RTN4: variants seen among roughly 807,000 people sequenced by gnomAD.
The protein encoded by RTN4 is reticulon-4.
In RTN4, 32 loss-of-function variants were observed where a neutral mutation model predicts 90.4. The observed-to-expected ratio is 0.35, with a 90% CI of 0.27 to 0.48. The LOEUF (loss-of-function observed/expected upper bound fraction) is 0.48. Among genes scored for constraint, RTN4 ranks in the 20% least tolerant of loss-of-function variants. The pLI, the probability that RTN4 is intolerant of heterozygous loss-of-function variation, is 0.99. For missense variants in RTN4, 1,706 were observed against 1,430.2 expected (o/e 1.19, Z -3.11); for synonymous variants, 629 against 552.5 (o/e 1.14, Z -1.94).
At chr2:54,975,471 A>G (rs1044048525) in intron 5 of RTN4, among the ~76,000 whole-genome samples, 9 of 152,218 alleles carry the variant, frequency 5.9e-5, no homozygotes, top group Admixed American at 5.9e-4. Context: ...GAGCACCCCC[A>G]TTATCTAAAG....
intron 5 of RTN4, among the ~76,000 whole-genome samples, chr2:54,981,203 G>A (rs1218560122): frequency 6.6e-6 from 1 of 151,668 alleles, no homozygotes; most frequent in Non-Finnish European, 1.5e-5. Flanking sequence ...GGGCGCAGTG[G>A]CTCATACCTG....
At chr2:55,114,385 A>G (rs972553485), upstream of RTN4, among the ~76,000 whole-genome samples, 1 of 152,172 alleles carries the variant, frequency 6.6e-6, no homozygotes, top group Admixed American at 6.5e-5. Flanking sequence ...TCCAAAGTCC[A>G]GGTCATGTTT....
intron 2 of RTN4, among the ~76,000 whole-genome samples, chr2:55,059,963 C>T (rs925099344): frequency 7.2e-5 from 11 of 152,180 alleles, no homozygotes; most frequent in Admixed American, 6.5e-4. Flanking sequence ...CAGGGGTGAG[C>T]CACCCTGCCC....
intron 1 of RTN4, among the ~76,000 whole-genome samples, chr2:55,102,699 G>C (rs1667872576): frequency 6.6e-6 from 1 of 152,034 alleles, no homozygotes; most frequent in Non-Finnish European, 1.5e-5. Context: ...TTGAAGGGTA[G>C]GAGGTAGGAG....
At chr2:55,102,841 G>A (rs71414542) in intron 1 of RTN4, among the ~76,000 whole-genome samples, 4,139 of 152,180 alleles carry the variant, frequency 0.027, 83 homozygotes, top group East Asian at 0.044. Flanking sequence ...TATCGTGGCC[G>A]GGTGCGGTGG....
In RTN4 at chr2:55,049,719, G is replaced by A. The variant is rs199519949; in HGVS notation, c.556+26C>T. 2.0e-4 allele frequency: 274 copies of A among 1,403,210 alleles called. No individual in the cohort carries two copies. In the African/African-American group the frequency reaches 3.9e-3, roughly 20 times the overall value. The allele number at this position is 1,403,210 out of a possible 1,614,324, so 86.9% of individuals were successfully genotyped here. On this transcript the variant is annotated intron_variant, in intron 1 of 8. Coordinates refer to ENST00000337526, the MANE Select transcript of RTN4 (RefSeq NM_020532.5). ...AAGAGGGAGGGGCGCGAGGGGCGGCGCGAAGCGAGAGGTCGCGGCACTCAC... is the reference window on the plus strand; with the variant it reads ...AAGAGGGAGGGGCGCGAGGGGCGGCACGAAGCGAGAGGTCGCGGCACTCAC...
chr2:55,128,323 C>G, the RTN4 span, among the ~76,000 whole-genome samples: 1 of 151,944 alleles, frequency 6.6e-6, no homozygotes, highest in South Asian at 2.1e-4. Context: ...TTTTTTGCAC[C>G]CTCCTAGGGT....
At chr2:55,031,792 C>T (rs937266336) in intron 1 of RTN4, among the ~76,000 whole-genome samples, 5 of 152,174 alleles carry the variant, frequency 3.3e-5, no homozygotes, top group Non-Finnish European at 7.4e-5. Context: ...CAGAGACGAA[C>T]AGTTTAGACA....
At chr2:55,023,148 T>C (rs1681573710) in intron 3 of RTN4, among the ~76,000 whole-genome samples, 1 of 152,156 alleles carries the variant, frequency 6.6e-6, no homozygotes, top group African/African-American at 2.4e-5. Context: ...TCTCCTGCTA[T>C]CACCCTCAAC....
chr2:55,040,952 A>G (rs1292294924), intron 1 of RTN4, among the ~76,000 whole-genome samples: 1 of 151,906 alleles, frequency 6.6e-6, no homozygotes, highest in African/African-American at 2.4e-5. Flanking sequence ...TATTAAAGAA[A>G]TAATTATTTT....
chr2:54,989,546 G>A (rs938890963), intron 3 of RTN4, among the ~76,000 whole-genome samples: 3 of 152,228 alleles, frequency 2.0e-5, no homozygotes, highest in East Asian at 1.9e-4. Context: ...TAAGAGCAAC[G>A]CTAATAGGTT....
rs1437577558 is a variant in RTN4, at chr2:55,001,601, C to T, written c.3014-13903G>A. 6.6e-5 allele frequency among the ~76,000 whole-genome samples: 10 copies of T among 152,286 alleles called. No homozygotes were observed. In the East Asian group the frequency reaches 1.9e-3, roughly 29 times the overall value. On this transcript the variant is annotated intron_variant, in intron 3 of 8. Transcript: ENST00000337526. ...CTAAATGTCTTGTCAGATAAAACCA[C>T]CCAAATCAACAGTGCAAAATTGCAA...
upstream of RTN4, among the ~76,000 whole-genome samples, chr2:55,113,377 A>T (rs1668071278): frequency 1.3e-5 from 2 of 152,190 alleles, no homozygotes; most frequent in African/African-American, 2.4e-5. Flanking sequence ...TTCAAGCCTT[A>T]TCAATACTCA....
At chr2:55,038,164 G>A (rs1682818521) in intron 1 of RTN4, among the ~76,000 whole-genome samples, 1 of 152,044 alleles carries the variant, frequency 6.6e-6, no homozygotes, top group Admixed American at 6.6e-5. Context: ...ACAAACAAAA[G>A]CTAAAACTAT....
At chr2:54,996,699 G>A (rs1002131124) in intron 3 of RTN4, among the ~76,000 whole-genome samples, 1 of 152,192 alleles carries the variant, frequency 6.6e-6, no homozygotes, top group African/African-American at 2.4e-5. Context: ...CATAACGGCC[G>A]AAAGACTCAA....
chr2:54,993,978 CCAAA>C (rs1322125091), intron 3 of RTN4, among the ~76,000 whole-genome samples: 17 of 152,152 alleles, frequency 1.1e-4, no homozygotes, highest in African/African-American at 2.9e-4. Flanking sequence ...TTAGTTGATA[CCAAA>C]CAGTGTGGCT....
intron 3 of RTN4, among the ~76,000 whole-genome samples, chr2:55,019,273 A>G (rs942832347): frequency 6.6e-6 from 1 of 152,164 alleles, no homozygotes; most frequent in Non-Finnish European, 1.5e-5. Flanking sequence ...TACTGGAGTT[A>G]AAATCATTTT....
chr2:55,022,043 GC>G (rs1359206914), intron 3 of RTN4, among the ~76,000 whole-genome samples: 1 of 152,114 alleles, frequency 6.6e-6, no homozygotes, highest in Non-Finnish European at 1.5e-5. Flanking sequence ...CAAAGGCAAT[GC>G]CCCCTTTTCT....
intron 1 of RTN4, among the ~76,000 whole-genome samples, chr2:55,100,404 T>C (rs1047713000): frequency 2.0e-5 from 3 of 152,176 alleles, no homozygotes; most frequent in African/African-American, 7.2e-5. Context: ...TAAATCTTAA[T>C]GCTGGTTCTG....
Sources: allele counts gnomAD v4.1 joint callset (sites outside exome capture counted in the v4.1 genomes callset), GRCh38; gene constraint gnomAD v4.1.1; transcripts MANE v1.5; gene names NCBI Gene and HGNC (gene_info 2026-07-23, HGNC 2026-07-21).